Variants in MGAT4C observed in about 807,000 individuals in gnomAD.
MGAT4C encodes the protein MGAT4 family member C.
In MGAT4C, 19 loss-of-function variants were observed where a neutral mutation model predicts 40.1. The observed-to-expected ratio is 0.47, with a 90% CI of 0.33 to 0.70. The LOEUF is 0.70. MGAT4C is among the 30% of genes least tolerant of loss of function. MGAT4C has a pLI of 0.02. For missense variants in MGAT4C, 491 were observed against 563.2 expected (o/e 0.87, Z 1.30); for synonymous variants, 181 against 187.1 (o/e 0.97, Z 0.27).
In MGAT4C at chr12:86,586,421, G is replaced by C. The variant is rs1192082530; in HGVS notation, c.-229+140788C>G. Among the ~76,000 whole-genome samples the C allele has an allele frequency of 5.9e-5, 3 of 50,964 alleles. 1 individual carries two copies. Among genetic ancestry groups the C allele is most frequent in the African/African-American group, 1.5e-4 (3 of 20,556 alleles). 33.4% of individuals were successfully genotyped at this position (50,964 alleles called of 152,430 possible). ...TGCCGCAATAAACATACGTGTGCAT[G>C]TATCTTTATAGCAGCATGATTTATA... On this transcript the variant is annotated intron_variant, in intron 2 of 7. Coordinates refer to the MGAT4C transcript ENST00000548651.
At position 86,324,664 on chromosome 12, in the gene MGAT4C, C is replaced by T. The variant is rs148404052; in HGVS notation, c.-57+9401G>A. Among the ~76,000 whole-genome samples the T allele has an allele frequency of 1.8e-3, 266 of 151,394 alleles. 4 individuals are homozygous for T. Among genetic ancestry groups the T allele is most frequent in the African/African-American group, 5.9e-3 (245 of 41,360 alleles). On this transcript the variant is annotated intron_variant, in intron 4 of 7. Transcript: ENST00000548651. ...GCAGGTAAAGCAATGAGAATATATA[C>T]GCTTTGACAACTAATCCATAGAGAA...
intron 1 of MGAT4C, among the ~76,000 whole-genome samples, chr12:86,816,525 T>C (rs911710170): frequency 1.1e-4 from 16 of 151,796 alleles, no homozygotes; most frequent in Non-Finnish European, 2.9e-5. Context: ...AAACAAGCTT[T>C]AATATGAAGG....
chr12:85,980,263 C>A lies in MGAT4C; in HGVS notation c.463G>T (p.Asp155Tyr), dbSNP rs1884411675. ...TGGTGCGCAAATTTCTGTGTAATAT[C>A]CTGGACCATGGCATCACGCCAGGAA... ...NSSWRDAMVQ[D>Y]ITQKFAHHII... Residue 155 changes from aspartate to tyrosine, a missense_variant, in exon 5 of 5, where the codon GAT becomes TAT. By Grantham distance (160) the Asp-to-Tyr change is radical. Coordinates refer to ENST00000611864, the MANE Select transcript of MGAT4C (RefSeq NM_001351288.2). The A allele has an allele frequency of 6.2e-7, 1 of 1,613,800 alleles. No homozygotes were observed. The highest frequency in any genetic ancestry group is 1.7e-5 in the Admixed American group (1 of 59,954).
rs373721326 is a variant in MGAT4C, at chr12:86,515,070, T to C, written c.-228-79805A>G. Among the ~76,000 whole-genome samples the C allele has an allele frequency of 8.5e-5, 13 of 152,332 alleles. No individual in the cohort carries two copies. The East Asian group carries it at 2.1e-3, about 25-fold the overall frequency. Reference sequence around the variant, plus strand: ...AGCAGAAATGAAATGAAATGAAGCATATTCACGAGTTCTGGGAATCAGGAT... The same window carrying C: ...AGCAGAAATGAAATGAAATGAAGCACATTCACGAGTTCTGGGAATCAGGAT... On this transcript the variant is annotated intron_variant, in intron 2 of 7. Transcript: ENST00000548651.
chr12:86,568,761 G>C (rs1397666131), intron 2 of MGAT4C, among the ~76,000 whole-genome samples: 1 of 151,668 alleles, frequency 6.6e-6, no homozygotes, highest in Non-Finnish European at 1.5e-5. Flanking sequence ...TAGAGAACTT[G>C]GAAATAAATT....
At chr12:86,388,675 G>GTTTT (rs752469980) in intron 3 of MGAT4C, among the ~76,000 whole-genome samples, 25 of 98,718 alleles carry the variant, frequency 2.5e-4, no homozygotes, top group African/African-American at 4.8e-4. Flanking sequence ...AGCGTTTTTT[G>GTTTT]TTTTTTTTTT....
intron 3 of MGAT4C, among the ~76,000 whole-genome samples, chr12:86,423,993 C>G (rs1490440622): frequency 6.6e-6 from 1 of 152,182 alleles, no homozygotes; most frequent in Non-Finnish European, 1.5e-5. Context: ...ATCTGCAAAA[C>G]TAAGTTGTTA....
intron 3 of MGAT4C, among the ~76,000 whole-genome samples, chr12:86,337,127 G>T (rs1954806573): frequency 6.6e-6 from 1 of 151,984 alleles, no homozygotes; most frequent in Non-Finnish European, 1.5e-5. Context: ...TGATGATGAT[G>T]ATGTGGTGAT....
chr12:86,527,097 G>T (rs1958898343), intron 2 of MGAT4C, among the ~76,000 whole-genome samples: 1 of 152,126 alleles, frequency 6.6e-6, no homozygotes, highest in Admixed American at 6.6e-5. Context: ...CAAGTCATCT[G>T]GGTCCTTTGG....
chr12:86,274,687 TAGA>T (rs1443331381), intron 4 of MGAT4C, among the ~76,000 whole-genome samples: 1 of 152,158 alleles, frequency 6.6e-6, no homozygotes, highest in Non-Finnish European at 1.5e-5. Flanking sequence ...TAGTATTTAA[TAGA>T]AGAATATTTA....
At chr12:86,833,763 T>C (rs1314429504) in intron 1 of MGAT4C, among the ~76,000 whole-genome samples, 2 of 151,886 alleles carry the variant, frequency 1.3e-5, no homozygotes, top group African/African-American at 4.8e-5. Flanking sequence ...TTTTTGTTTG[T>C]TTGTTTTGTT....
chr12:86,003,002 T>C (rs191004163), intron 2 of MGAT4C, among the ~76,000 whole-genome samples: 4 of 152,180 alleles, frequency 2.6e-5, no homozygotes, highest in Admixed American at 2.6e-4. Flanking sequence ...GGTCTCACCA[T>C]GTTGCCCAGG....
At position 85,962,229 on chromosome 12, in the gene MGAT4C, A is replaced by G. The variant is rs1289995050; in HGVS notation, c.*17060T>C. 25 of 151,644 alleles carry G rather than the reference A, an allele frequency of 1.6e-4. No homozygotes were observed. Among genetic ancestry groups the G allele is most frequent in the Admixed American group, 1.6e-3 (25 of 15,192 alleles). 9.4% of individuals were successfully genotyped at this position (151,644 alleles called of 1,614,324 possible). A position where few individuals can be genotyped will look rare whatever the true frequency, so the allele number is the denominator to read the frequency against. On this transcript the variant is annotated 3_prime_UTR_variant, in exon 5 of 5. Coordinates refer to ENST00000611864, the MANE Select transcript of MGAT4C (RefSeq NM_001351288.2). The stretch of plus-strand genomic sequence containing the variant: ...AGATCAGTGTCAAATACATTCATTC[A>G]TGTAGTATTTTCACATGCATTCTGG...
At chr12:86,833,572 T>G (rs919046108) in intron 1 of MGAT4C, among the ~76,000 whole-genome samples, 1 of 151,740 alleles carries the variant, frequency 6.6e-6, no homozygotes, top group African/African-American at 2.4e-5. Flanking sequence ...GTGTCCAAAT[T>G]CCCTCTTCTT....
chr12:86,104,969 C>A (rs1281620839), intron 1 of MGAT4C, among the ~76,000 whole-genome samples: 1 of 152,056 alleles, frequency 6.6e-6, no homozygotes, highest in African/African-American at 2.4e-5. Context: ...TGTATCCTCA[C>A]CTTAACTATC....
At chr12:86,749,578 G>C (rs975075949) in intron 1 of MGAT4C, among the ~76,000 whole-genome samples, 2 of 151,670 alleles carry the variant, frequency 1.3e-5, no homozygotes, top group African/African-American at 4.8e-5. Context: ...TTTTAAAAAT[G>C]TCAATTTTAC....
chr12:86,575,938 A>C (rs1960540662), intron 2 of MGAT4C, among the ~76,000 whole-genome samples: 1 of 151,904 alleles, frequency 6.6e-6, no homozygotes, highest in Non-Finnish European at 1.5e-5. Flanking sequence ...ACTAATTTAC[A>C]TTCCCACCAA....
chr12:86,741,238 C>G (rs938406960), intron 1 of MGAT4C, among the ~76,000 whole-genome samples: 1 of 151,112 alleles, frequency 6.6e-6, no homozygotes, highest in Admixed American at 6.6e-5. Context: ...GACCTAAGGG[C>G]CCATCATTGG....
At chr12:86,058,318 C>CA (rs1321526922) in intron 1 of MGAT4C, among the ~76,000 whole-genome samples, 12 of 151,966 alleles carry the variant, frequency 7.9e-5, no homozygotes, top group African/African-American at 2.9e-4. Context: ...GTATAAATCT[C>CA]AAAAAATCTA....
Sources: allele counts gnomAD v4.1 joint callset (sites outside exome capture counted in the v4.1 genomes callset), GRCh38; gene constraint gnomAD v4.1.1; transcripts MANE v1.5; gene names NCBI Gene and HGNC (gene_info 2026-07-23, HGNC 2026-07-21).